The following TMEM170B variants were observed in gnomAD, a reference collection of about 807,000 sequenced individuals.
The protein encoded by TMEM170B is transmembrane protein 170B.
TMEM170B carries 6 observed loss-of-function variants against 13.0 expected under a neutral mutation model. That is an observed-to-expected ratio of 0.46 (90% CI 0.25 to 0.91). The LOEUF is 0.91. Ranked by LOEUF, TMEM170B falls within the 40% of genes least tolerant of loss-of-function variation. The pLI is 0.17. For synonymous variants in TMEM170B, 61 were observed against 64.9 expected (o/e 0.94, Z 0.29); for missense variants, 138 against 165.2 (o/e 0.84, Z 0.90).
At chr6:11,574,762 T>G (rs1193344455) in intron 2 of TMEM170B, among the ~76,000 whole-genome samples, 2 of 152,134 alleles carry the variant, frequency 1.3e-5, no homozygotes, top group South Asian at 2.1e-4. Flanking sequence ...ATTCTCCCGT[T>G]CTCAGAAGTG....
chr6:11,568,978 A>G (rs1759767259), intron 2 of TMEM170B, among the ~76,000 whole-genome samples: 1 of 152,082 alleles, frequency 6.6e-6, no homozygotes, highest in Admixed American at 6.6e-5. Flanking sequence ...GTCTAATTTT[A>G]GCTGTTTAAT....
At chr6:11,561,856 G>A (rs1561686300) in intron 1 of TMEM170B, among the ~76,000 whole-genome samples, 1 of 152,000 alleles carries the variant, frequency 6.6e-6, no homozygotes, top group Non-Finnish European at 1.5e-5. Context: ...GATACCTTTG[G>A]TTTTTATAAA....
intron 1 of TMEM170B, among the ~76,000 whole-genome samples, chr6:11,563,801 C>CA (rs1759702479): frequency 6.6e-6 from 1 of 152,078 alleles, no homozygotes; most frequent in South Asian, 2.1e-4. Flanking sequence ...CCTGTCTCTA[C>CA]AAAAAATATT....
chr6:11,552,583 G>A (rs776047435), intron 1 of TMEM170B, among the ~76,000 whole-genome samples: 2 of 152,100 alleles, frequency 1.3e-5, no homozygotes, highest in Non-Finnish European at 2.9e-5. Flanking sequence ...GTTGAGGTTG[G>A]GTTTTATTGC....
chr6:11,566,277 A>T (rs1010819356), intron 2 of TMEM170B, among the ~76,000 whole-genome samples: 7 of 152,220 alleles, frequency 4.6e-5, no homozygotes, highest in African/African-American at 1.7e-4. Flanking sequence ...TTCTTCTTAT[A>T]TACACATTAT....
chr6:11,563,524 A>C (rs897967977), intron 1 of TMEM170B, among the ~76,000 whole-genome samples: 5 of 152,230 alleles, frequency 3.3e-5, no homozygotes, highest in African/African-American at 1.2e-4. Context: ...TTTAGACACC[A>C]GTAGAAAGTC....
In TMEM170B at chr6:11,577,625, G is replaced by A. The variant is rs1363061440; in HGVS notation, c.*2064G>A. 6.6e-6 allele frequency: 1 copy of A among 152,080 alleles called. No individual in the cohort carries two copies. The highest frequency in any genetic ancestry group is 1.5e-5 in the Non-Finnish European group (1 of 67,944). 9.4% of individuals were successfully genotyped at this position (152,080 alleles called of 1,614,324 possible). On this transcript the variant is annotated 3_prime_UTR_variant, in exon 3 of 3. Coordinates refer to ENST00000379426, the MANE Select transcript of TMEM170B (RefSeq NM_001100829.3). ...GTTATGGTAAAGTAATATGGAGCAT[G>A]ATTCATAATCCAAAATTAACAAGAA...
At chr6:11,544,598 A>C (rs678862) in intron 1 of TMEM170B, among the ~76,000 whole-genome samples, 32,104 of 152,154 alleles carry the variant, frequency 0.21, 4,083 homozygotes, top group South Asian at 0.45. Flanking sequence ...AACTCCTACC[A>C]AGTTCAGCCT....
intron 2 of TMEM170B, among the ~76,000 whole-genome samples, chr6:11,566,985 A>G (rs1159314828): frequency 6.6e-6 from 1 of 152,168 alleles, no homozygotes; most frequent in Non-Finnish European, 1.5e-5. Context: ...CTGGTTACCA[A>G]TTTCAAGTGT....
chr6:11,552,214 C>T (rs766199975), intron 1 of TMEM170B, among the ~76,000 whole-genome samples: 14 of 152,200 alleles, frequency 9.2e-5, no homozygotes, highest in African/African-American at 2.6e-4. Context: ...GCTATCTTAA[C>T]GATGTATAAT....
At chr6:11,548,980 G>A (rs920064598) in intron 1 of TMEM170B, among the ~76,000 whole-genome samples, 1 of 152,210 alleles carries the variant, frequency 6.6e-6, no homozygotes, top group Non-Finnish European at 1.5e-5. Flanking sequence ...CATAAATGAC[G>A]AGTTAATGGG....
intron 2 of TMEM170B, among the ~76,000 whole-genome samples, chr6:11,570,559 A>G (rs1759786354): frequency 6.6e-6 from 1 of 152,220 alleles, no homozygotes; most frequent in East Asian, 1.9e-4. Context: ...AAGGGGAAAT[A>G]GAACATATGA....
intron 2 of TMEM170B, among the ~76,000 whole-genome samples, chr6:11,573,676 G>A (rs1199167928): frequency 1.3e-5 from 2 of 152,132 alleles, no homozygotes; most frequent in African/African-American, 4.8e-5. Context: ...CAGGCAGCCT[G>A]AGCTAGTAAT....
chr6:11,575,669 G>A lies in TMEM170B; in HGVS notation c.*108G>A. The A allele has an allele frequency of 1.5e-6, 2 of 1,354,444 alleles. No individual in the cohort carries two copies. Among genetic ancestry groups the A allele is most frequent in the East Asian group, 4.7e-5 (2 of 42,950 alleles). 83.9% of individuals were successfully genotyped at this position (1,354,444 alleles called of 1,614,324 possible). A position where few individuals can be genotyped will look rare whatever the true frequency, so the allele number is the denominator to read the frequency against. On this transcript the variant is annotated 3_prime_UTR_variant, in exon 3 of 3. Coordinates refer to ENST00000379426, the MANE Select transcript of TMEM170B (RefSeq NM_001100829.3). The surrounding 1 kb of genome is among the most constrained non-coding windows in gnomAD (Gnocchi z 4.1). ...GAAATTGTGCAAGAATGTGGACTGAGCAGGTCAAAGCATAAGGAAGACCTT... is the reference window on the plus strand; with the variant it reads ...GAAATTGTGCAAGAATGTGGACTGAACAGGTCAAAGCATAAGGAAGACCTT...
intron 1 of TMEM170B, among the ~76,000 whole-genome samples, chr6:11,563,984 A>G (rs1306495442): frequency 6.6e-6 from 1 of 152,146 alleles, no homozygotes; most frequent in Non-Finnish European, 1.5e-5. Context: ...AAAAACAACA[A>G]AATCATATGG....
intron 1 of TMEM170B, among the ~76,000 whole-genome samples, chr6:11,548,080 T>C (rs2113765028): frequency 6.6e-6 from 1 of 152,126 alleles, no homozygotes; most frequent in South Asian, 2.1e-4. Context: ...AATTGAGAAA[T>C]GGGATCTCTA....
At chr6:11,544,726 A>G (rs1759407771) in intron 1 of TMEM170B, among the ~76,000 whole-genome samples, 1 of 152,204 alleles carries the variant, frequency 6.6e-6, no homozygotes, top group African/African-American at 2.4e-5. Flanking sequence ...CTCTTTCTGT[A>G]CATATCACTT....
chr6:11,553,970 C>T (rs1582141101), intron 1 of TMEM170B, among the ~76,000 whole-genome samples: 1 of 152,128 alleles, frequency 6.6e-6, no homozygotes, highest in African/African-American at 2.4e-5. Flanking sequence ...AGCATAATTA[C>T]TTCCTTACAG....
In TMEM170B at chr6:11,581,767, T is replaced by C. The variant is rs1247614320; in HGVS notation, c.*6206T>C. Reference sequence around the variant, plus strand: ...AGAGTACTACTGATGATGACGCTTCTCTTGTTTTTAAAGTATTTACACATC... The same window carrying C: ...AGAGTACTACTGATGATGACGCTTCCCTTGTTTTTAAAGTATTTACACATC... On this transcript the variant is annotated 3_prime_UTR_variant, in exon 3 of 3. Coordinates refer to ENST00000379426, the MANE Select transcript of TMEM170B (RefSeq NM_001100829.3). 5.3e-5 allele frequency: 8 copies of C among 152,228 alleles called. No individual in the cohort carries two copies. The highest frequency in any genetic ancestry group is 1.9e-4 in the African/African-American group (8 of 41,456). 9.4% of individuals were successfully genotyped at this position (152,228 alleles called of 1,614,324 possible).
Sources: gnomAD v4.1 joint callset for allele counts (sites outside exome capture counted in the v4.1 genomes callset) on GRCh38, gnomAD v4.1.1 for gene constraint, Gnocchi (gnomAD v3.1) non-coding constraint, MANE v1.5 for transcripts, NCBI Gene and HGNC (gene_info 2026-07-23, HGNC 2026-07-21) for gene names.